The following CAMTA2 variants were observed in gnomAD, a reference collection of about 807,000 sequenced individuals.
CAMTA2 encodes the protein calmodulin binding transcription activator 2.
In CAMTA2, 56 loss-of-function variants were observed where a neutral mutation model predicts 135.7. That is an observed-to-expected ratio of 0.41 (90% confidence interval 0.33 to 0.52). CAMTA2 has a LOEUF of 0.52. CAMTA2 is among the 20% of genes least tolerant of loss of function. The probability of loss-of-function intolerance (pLI) is 0.16; values close to 1 mark genes in which losing one functional copy is unlikely to be tolerated. For missense variants in CAMTA2, 1,358 were observed against 1,553.4 expected (o/e 0.87, Z 2.11); for synonymous variants, 591 against 604.6 (o/e 0.98, Z 0.33).
Position 4,969,500 on chromosome 17 carries a change from C to T in CAMTA2, c.3282G>A (p.Lys1094=). The change falls in exon 20 of 23, where the codon AAG becomes AAA. Residue 1094 remains lysine, a splice_region_variant and synonymous_variant. Coordinates refer to ENST00000348066, the MANE Select transcript of CAMTA2 (RefSeq NM_015099.4). The surrounding 1 kb of genome is among the most constrained non-coding windows in gnomAD (Gnocchi z 5.6). ...KYKQLTWIAL[K]FALYKKMTQA... ...CACACTCAGAGCTCATGCCTAATAC[C>T]TTAAGTGCAATCCAGGTCAGCTTGT... The T allele has an allele frequency of 6.2e-7, 1 of 1,614,152 alleles. No homozygotes were observed. The highest frequency in any genetic ancestry group is 8.5e-7 in the Non-Finnish European group (1 of 1,180,024).
intron 9 of CAMTA2, 95 bp from the exon 10 acceptor site, chr17:4,978,725 G>T: frequency 7.1e-7 from 1 of 1,410,320 alleles, no homozygotes; most frequent in South Asian, 1.3e-5. Context: ...TCTACTATAT[G>T]GCAGGTCCTG....
In CAMTA2 at chr17:4,984,948, C is replaced by A. The variant is rs1233761296; in HGVS notation, c.135+932G>T. ...AGGAGAATGGCGTAAACCTGGGAGG[C>A]AGAGCTTGCAGTGAGCCGAGATCGC... On this transcript the variant is annotated intron_variant, in intron 3 of 22. Coordinates refer to ENST00000348066, the MANE Select transcript of CAMTA2 (RefSeq NM_015099.4). 2.6e-5 allele frequency among the ~76,000 whole-genome samples: 4 copies of A among 150,992 alleles called. No homozygotes were observed. The Admixed American group carries it at 2.7e-4, about 10-fold the overall frequency.
intron 16 of CAMTA2, 116 bp downstream of exon 16, chr17:4,972,116 G>C (rs1329386014): frequency 8.2e-6 from 7 of 852,132 alleles, no homozygotes; most frequent in Non-Finnish European, 1.1e-5. Flanking sequence ...GTCCCAAAAT[G>C]AAGTAAATAG....
intron 3 of CAMTA2, among the ~76,000 whole-genome samples, chr17:4,985,287 T>TA (rs989109385): frequency 1.3e-5 from 2 of 152,254 alleles, no homozygotes; most frequent in African/African-American, 4.8e-5. Context: ...ATAGAACCGT[T>TA]AGAGGATTAA....
Position 4,973,679 on chromosome 17 carries a change from G to A in CAMTA2, c.2107C>T (p.Leu703=). 6.2e-7 allele frequency: 1 copy of A among 1,614,256 alleles called. No homozygotes were observed. The highest frequency in any genetic ancestry group is 8.5e-7 in the Non-Finnish European group (1 of 1,180,034). ...PRSTWKGPER[L]AHGSPFRGMS... is the part of the protein sequence containing the mutation. ...CCCCGGAAGGGGCTTCCATGGGCCA[G>A]ACGTTCAGGACCCTTCCAGGTGGAG... Residue 703 remains leucine (L), a synonymous_variant, in exon 13 of 23, where the codon CTG becomes TTG. Transcript: ENST00000348066.
At position 4,981,230 on chromosome 17, in the gene CAMTA2, C is replaced by G. The variant is rs1972941052; in HGVS notation, c.695G>C (p.Gly232Ala). The G allele has an allele frequency of 4.3e-6, 7 of 1,613,332 alleles. No homozygotes were observed. Among genetic ancestry groups the G allele is most frequent in the Middle Eastern group, 3.5e-4 (2 of 5,698 alleles). Residue 232 changes from glycine to alanine, a missense_variant, in exon 8 of 23, where the codon GGG (glycine) becomes GCG (alanine). Physicochemically the swap from Gly to Ala is moderately conservative, Grantham distance 60. Around this residue, in one of 4 missense-constraint regions of CAMTA2, gnomAD observed 1,077 missense variants for 1,127.5 expected, o/e 0.96. Coordinates refer to ENST00000348066, the MANE Select transcript of CAMTA2 (RefSeq NM_015099.4). ...PRTHACLCSG[G>A]LGSGSLTHKC... is the part of the protein sequence containing the mutation. ...AAGGTCAGGGAGTAACTTACCAAGCCCCCCACTGCAGAGACAGGCGTGGGT... is the reference window on the plus strand; with the variant it reads ...AAGGTCAGGGAGTAACTTACCAAGCGCCCCACTGCAGAGACAGGCGTGGGT...
At chr17:4,977,981 G>C (rs762730126) in intron 10 of CAMTA2, among the ~76,000 whole-genome samples, 3 of 152,260 alleles carry the variant, frequency 2.0e-5, no homozygotes, top group African/African-American at 7.2e-5. Flanking sequence ...AACATGGTCA[G>C]TGAGACTGGG....
At chr17:4,983,942 ATTAT>A (rs939769346) in intron 3 of CAMTA2, among the ~76,000 whole-genome samples, 4 of 149,822 alleles carry the variant, frequency 2.7e-5, no homozygotes, top group Admixed American at 6.7e-5. Context: ...GGAATTTCAG[ATTAT>A]TTATTTATTT....
intron 6 of CAMTA2, 24 bp from the exon 7 acceptor site, chr17:4,981,855 G>A (rs202077671): frequency 6.4e-7 from 1 of 1,572,498 alleles, no homozygotes; most frequent in Admixed American, 1.9e-5. Flanking sequence ...GGGACACACA[G>A]AGCCATGGGG....
At position 4,972,492 on chromosome 17, in the gene CAMTA2, A is replaced by G. The variant is rs1442203500; in HGVS notation, c.2548T>C (p.Phe850Leu). Residue 850 changes from phenylalanine (F) to leucine (L), a missense_variant, in exon 16 of 23, where the codon TTT becomes CTT. By Grantham distance (22) the Phe-to-Leu change is conservative. Around this residue, in one of 4 missense-constraint regions of CAMTA2, gnomAD observed 1,077 missense variants for 1,127.5 expected, o/e 0.96. Transcript: ENST00000348066. Reference protein sequence around the residue: ...SSPSELSDGTFSVTSAYSSAP... With the variant: ...SSPSELSDGTLSVTSAYSSAP... ...CTAGAATAGGCTGACGTGACGGAAA[A>G]GGTGCCATCCGACAGCTCCGAGGGC... is the stretch of plus-strand genomic sequence containing the variant. 2 of 1,611,680 alleles carry G rather than the reference A, an allele frequency of 1.2e-6. No individual in the cohort carries two copies. The highest frequency in any genetic ancestry group is 1.3e-5 in the African/African-American group (1 of 74,906).
chr17:4,980,167 C>A lies in CAMTA2; in HGVS notation c.1155G>T (p.Gln385His). ...FDPDRFLNSP[Q>H]RGQTYGGGQG... ...GCCCCCCTCCATATGTCTGGCCCCT[C>A]TGGGGGCTGTTGAGAAAACGATCAG... is the stretch of plus-strand genomic sequence containing the variant. Residue 385 changes from glutamine (Q) to histidine (H), a missense_variant, in exon 9 of 23, where the codon CAG (glutamine) becomes CAT (histidine). By Grantham distance (24) the Gln-to-His change is conservative (BLOSUM62 0). This residue lies in a region of CAMTA2 where 1,077 missense variants were observed against 1,127.5 expected (regional missense o/e 0.96). Coordinates refer to ENST00000348066, the MANE Select transcript of CAMTA2 (RefSeq NM_015099.4). The surrounding 1 kb of genome is among the most constrained non-coding windows in gnomAD (Gnocchi z 5.3). 1 of 1,579,760 alleles carries A rather than the reference C, an allele frequency of 6.3e-7. No individual in the cohort carries two copies. Among genetic ancestry groups the A allele is most frequent in the East Asian group, 2.2e-5 (1 of 44,592 alleles).
rs1972345786 is a variant in CAMTA2, at chr17:4,972,368, G to A, written c.2672C>T (p.Ala891Val). The change falls in exon 16 of 23, where the codon GCC becomes GTC. Residue 891 changes from alanine (A) to valine (V), a missense_variant. Ala to Val is a moderately conservative substitution (Grantham distance 64). Around this residue, in one of 4 missense-constraint regions of CAMTA2, gnomAD observed 1,077 missense variants for 1,127.5 expected, o/e 0.96. Transcript: ENST00000348066. ...CTCATAGTCCATGAGGAGTAGGGGG[G>A]CTTCTGGGACACCAGAGGAAAGCTG... ...PGQLSSGVPE[A>V]PLLLMDYEAT... is the part of the protein sequence containing the mutation. The A allele has an allele frequency of 1.2e-6, 2 of 1,613,760 alleles. No individual in the cohort carries two copies. Among genetic ancestry groups the A allele is most frequent in the Non-Finnish European group, 1.7e-6 (2 of 1,179,858 alleles).
Position 4,980,470 on chromosome 17 carries a change from G to A in CAMTA2, c.852C>T (p.Pro284=). 1 of 1,613,094 alleles carries A rather than the reference G, an allele frequency of 6.2e-7. No homozygotes were observed. Among genetic ancestry groups the A allele is most frequent in the Non-Finnish European group, 8.5e-7 (1 of 1,179,546 alleles). Residue 284 remains proline, a synonymous_variant, in exon 9 of 23, where the codon CCC becomes CCT. Transcript: ENST00000348066. This position sits in a 1 kb window ranked among gnomAD's most constrained non-coding sequence, Gnocchi z 5.3. ...AAGAAGATGGGGAGGTGTGTGCCTT[G>A]GGGAGCTCTGGGGGAAGTGGGGCTA... is the stretch of plus-strand genomic sequence containing the variant. ...PLIAPLPPEL[P]KAHTSPSSSS...
In CAMTA2 at chr17:4,983,965, T is replaced by A. The variant is rs867612389; in HGVS notation, c.136-922A>T. On this transcript the variant is annotated intron_variant, in intron 3 of 22. Coordinates refer to ENST00000348066, the MANE Select transcript of CAMTA2 (RefSeq NM_015099.4). ...AGATTATTTATTTATTTATTTATTT[T>A]TTTGAGACAGAGTCTCGCTCTGTCA... Among the ~76,000 whole-genome samples, 18 of 151,874 alleles carry A rather than the reference T, an allele frequency of 1.2e-4. No individual in the cohort carries two copies. In the South Asian group the frequency reaches 2.3e-3, roughly 19 times the overall value.
chr17:4,976,767 C>G (rs1374389452), intron 11 of CAMTA2, among the ~76,000 whole-genome samples: 1 of 152,074 alleles, frequency 6.6e-6, no homozygotes, highest in Non-Finnish European at 1.5e-5. Flanking sequence ...ATATATTGCT[C>G]TAGACCCTGT....
At position 4,973,205 on chromosome 17, in the gene CAMTA2, G is replaced by A. The variant is rs1444486368; in HGVS notation, c.2250C>T (p.Leu750=). The stretch of plus-strand genomic sequence containing the variant: ...GGGTGCAAGAGAAATGATCCACGTT[G>A]AGCGGGTCAACCTCCTGCTCTAAGT... ...SLDLEQEVDP[L]NVDHFSCTPL... is the part of the protein sequence containing the mutation. The change falls in exon 14 of 23, where the codon CTC becomes CTT. Residue 750 remains leucine, a synonymous_variant. Transcript: ENST00000348066. 2.5e-6 allele frequency: 4 copies of A among 1,613,636 alleles called. No individual in the cohort carries two copies. In the East Asian group the frequency reaches 6.7e-5, roughly 27 times the overall value.
chr17:4,980,374 CCCT>C lies in CAMTA2; in HGVS notation c.945_947del (p.Gly317del). On this transcript the variant is annotated inframe_deletion, in exon 9 of 23. Transcript: ENST00000348066. The surrounding 1 kb of genome is among the most constrained non-coding windows in gnomAD (Gnocchi z 5.3). The stretch of plus-strand genomic sequence containing the variant: ...TAGCAGTGCCTCCTCTTGAAGAACC[CCCT>C]CGAGAAGTGGGAGGGCTAGGTCTGA... 6.2e-7 allele frequency: 1 copy of C among 1,614,058 alleles called. No homozygotes were observed.
intron 1 of CAMTA2, chr17:4,987,163 C>T: frequency 7.4e-7 from 1 of 1,344,916 alleles, no homozygotes; most frequent in Non-Finnish European, 9.5e-7. Flanking sequence ...AGGCAGCCTG[C>T]CAGGGTGCGG....
chr17:4,977,131 A>C lies in CAMTA2; in HGVS notation c.1827T>G (p.Ser609=). 6.2e-7 allele frequency: 1 copy of C among 1,614,176 alleles called. No individual in the cohort carries two copies. The highest frequency in any genetic ancestry group is 2.2e-5 in the East Asian group (1 of 44,884). ...GGCGGGCTCGATACTCAAAGAGCAC[A>C]GAAGCAGAAAGGGGCCCCTCCCGCC... The part of the protein sequence containing the change: ...VAGREGPLSA[S]VLFEYRARRF... The change falls in exon 11 of 23, where the codon TCT becomes TCG. Residue 609 remains serine (S), a synonymous_variant. Coordinates refer to ENST00000348066, the MANE Select transcript of CAMTA2 (RefSeq NM_015099.4).
Sources: allele counts gnomAD v4.1 joint callset (sites outside exome capture counted in the v4.1 genomes callset), GRCh38; gene constraint gnomAD v4.1.1; regional missense constraint gnomAD v4.1.1; non-coding constraint Gnocchi (gnomAD v3.1); transcripts MANE v1.5; gene names NCBI Gene and HGNC (gene_info 2026-07-23, HGNC 2026-07-21).